PDCD6: variants seen among roughly 807,000 people sequenced by gnomAD.
PDCD6 encodes the protein programmed cell death 6.
In PDCD6, 12 loss-of-function variants were observed where a neutral mutation model predicts 28.3. That is an observed-to-expected ratio of 0.42 (90% CI 0.27 to 0.69). PDCD6 has a LOEUF of 0.69. Among genes scored for constraint, PDCD6 ranks in the 30% least tolerant of loss-of-function variants. PDCD6 has a pLI of 0.22. For missense variants in PDCD6, 226 were observed against 269.9 expected, an observed-to-expected ratio of 0.84 and a Z score of 1.14; for synonymous variants, 92 against 108.0, an observed-to-expected ratio of 0.85 and a Z score of 0.92.
At chr5:311,091 T>G (rs886667773) in intron 4 of PDCD6, 4 of 545,174 alleles carry the variant, frequency 7.3e-6, no homozygotes, top group African/African-American at 3.8e-5. Context: ...CTCCATGCAC[T>G]GGGGATGTCA....
rs561703436 is a variant in PDCD6, at chr5:306,411, C to T, written c.209-191C>T. On this transcript the variant is annotated intron_variant, in intron 3 of 5. Coordinates refer to ENST00000264933, the MANE Select transcript of PDCD6 (RefSeq NM_013232.4). ...GCTGGGGGACAATCCCCCACACCCCCACCCAGGGCGAAGGTGACAAGACTT... is the reference window on the plus strand; with the variant it reads ...GCTGGGGGACAATCCCCCACACCCCTACCCAGGGCGAAGGTGACAAGACTT... 1.3e-5 allele frequency: 8 copies of T among 593,732 alleles called. 1 individual carries two copies. The South Asian group carries it at 1.5e-4, about 11-fold the overall frequency. 36.8% of individuals were successfully genotyped at this position (593,732 alleles called of 1,614,324 possible).
chr5:290,103 A>T lies in PDCD6; in HGVS notation c.164-14074A>T, dbSNP rs575183219. 91 of 1,573,860 alleles carry T rather than the reference A, an allele frequency of 5.8e-5. No homozygotes were observed. In the African/African-American group the frequency reaches 9.5e-4, roughly 16 times the overall value. On this transcript the variant is annotated intron_variant, in intron 2 of 5. Coordinates refer to ENST00000264933, the MANE Select transcript of PDCD6 (RefSeq NM_013232.4). ...TTTCATCAAAGGGAATATATTCGACATTAGGGTTGGGAGGACCTCTTGGCT... is the reference window on the plus strand; with the variant it reads ...TTTCATCAAAGGGAATATATTCGACTTTAGGGTTGGGAGGACCTCTTGGCT...
intron 2 of PDCD6, among the ~76,000 whole-genome samples, chr5:278,089 A>G (rs868412805): frequency 1.1e-4 from 17 of 151,684 alleles, no homozygotes; most frequent in South Asian, 6.3e-4. Flanking sequence ...TCCCTTCCCC[A>G]CCTTTGTCCT....
chr5:294,053 C>T (rs564928809), intron 2 of PDCD6, among the ~76,000 whole-genome samples: 1 of 149,178 alleles, frequency 6.7e-6, no homozygotes, highest in South Asian at 2.1e-4. Context: ...AAATGTTACT[C>T]AACATTTATC....
At chr5:299,551 G>GTT (rs35811389) in intron 2 of PDCD6, among the ~76,000 whole-genome samples, 1,675 of 140,950 alleles carry the variant, frequency 0.012, 23 homozygotes, top group African/African-American at 0.045. Flanking sequence ...TCTTTTGAAG[G>GTT]TTTTTTTTTT....
At chr5:280,368 C>T (rs1419297942) in intron 2 of PDCD6, among the ~76,000 whole-genome samples, 19 of 151,658 alleles carry the variant, frequency 1.3e-4, no homozygotes, top group African/African-American at 3.9e-4. Context: ...GCACTGTGGG[C>T]TGTGGATGGT....
At position 298,672 on chromosome 5, in the gene PDCD6, T is replaced by TCAGCTGCTCCCCC. The variant is rs1270044597; in HGVS notation, c.164-5494_164-5493insCCCAGCTGCTCCC. 5.8e-4 allele frequency among the ~76,000 whole-genome samples: 16 copies of TCAGCTGCTCCCCC among 27,632 alleles called. 1 individual carries two copies. Among genetic ancestry groups the TCAGCTGCTCCCCC allele is most frequent in the African/African-American group, 2.9e-3 (15 of 5,184 alleles). 18.1% of individuals were successfully genotyped at this position (27,632 alleles called of 152,430 possible). On this transcript the variant is annotated intron_variant, in intron 2 of 5. Coordinates refer to ENST00000264933, the MANE Select transcript of PDCD6 (RefSeq NM_013232.4). ...GCTGCTCCCACTCAGCTGCTCCCAC[T>TCAGCTGCTCCCCC]CAGCTGCTCCCACTCAGCTGCTCCC... is the stretch of plus-strand genomic sequence containing the variant.
At chr5:272,187 C>T (rs990842535) in intron 1 of PDCD6, among the ~76,000 whole-genome samples, 4 of 149,046 alleles carry the variant, frequency 2.7e-5, no homozygotes, top group African/African-American at 7.6e-5. Flanking sequence ...CCCTTTTTCT[C>T]GCCTCAAGAG....
At chr5:286,606 C>T (rs1738986894) in intron 2 of PDCD6, among the ~76,000 whole-genome samples, 1 of 151,530 alleles carries the variant, frequency 6.6e-6, no homozygotes, top group South Asian at 2.1e-4. Context: ...ACTGGAGAGC[C>T]TGCGGGGATC....
rs560604906 is a variant in PDCD6, at chr5:288,028, C to T, written c.163+15256C>T. Among the ~76,000 whole-genome samples, 11 of 152,188 alleles carry T rather than the reference C, an allele frequency of 7.2e-5. 1 individual carries two copies. In the Middle Eastern group the frequency reaches 0.01, roughly 141 times the overall value. ...AATATTTTCTCATAAATAATGAAGT[C>T]TGTTTCTCAGGCACCTCAGAAGTAT... On this transcript the variant is annotated intron_variant, in intron 2 of 5. Coordinates refer to ENST00000264933, the MANE Select transcript of PDCD6 (RefSeq NM_013232.4).
intron 2 of PDCD6, among the ~76,000 whole-genome samples, chr5:301,331 G>A (rs1224943280): frequency 1.3e-5 from 2 of 152,212 alleles, no homozygotes; most frequent in Admixed American, 6.5e-5. Flanking sequence ...ACACAGCGGT[G>A]AAGAACGGGG....
intron 5 of PDCD6, among the ~76,000 whole-genome samples, chr5:314,100 G>A (rs769386544): frequency 1.3e-5 from 2 of 152,224 alleles, no homozygotes; most frequent in South Asian, 2.1e-4. Flanking sequence ...TCCACGGGAC[G>A]GTCTTCAGGG....
intron 2 of PDCD6, among the ~76,000 whole-genome samples, chr5:282,019 G>T (rs1738604180): frequency 1.3e-5 from 2 of 151,244 alleles, no homozygotes; most frequent in Admixed American, 1.3e-4. Flanking sequence ...TAGTTTGAGG[G>T]CCCTGCAGCT....
At chr5:272,690 T>C in intron 1 of PDCD6, 21 bp from the exon 2 acceptor site, 1 of 1,559,610 alleles carries the variant, frequency 6.4e-7, no homozygotes, top group Non-Finnish European at 8.7e-7. Context: ...GCCAGCTTAT[T>C]TGGTCTTCTT....
intron 2 of PDCD6, among the ~76,000 whole-genome samples, 184 bp from the exon 3 acceptor site, chr5:303,993 C>T (rs563521575): frequency 2.2e-3 from 338 of 151,182 alleles, no homozygotes; most frequent in Admixed American, 4.4e-3. Flanking sequence ...GGTGTGAACC[C>T]ACCAGGCAGT....
intron 2 of PDCD6, among the ~76,000 whole-genome samples, chr5:275,251 T>C (rs1362339761): frequency 7.2e-5 from 11 of 152,196 alleles, no homozygotes; most frequent in African/African-American, 2.4e-4. Context: ...TGAGACCCTG[T>C]TGCCTGAATT....
intron 2 of PDCD6, among the ~76,000 whole-genome samples, chr5:278,694 C>T (rs556194754): frequency 1.3e-5 from 2 of 148,498 alleles, no homozygotes; most frequent in Non-Finnish European, 3.0e-5. Flanking sequence ...GCCTGGGTGA[C>T]AGAGCCAGAC....
chr5:283,112 T>C (rs1035614728), intron 2 of PDCD6, among the ~76,000 whole-genome samples: 2 of 147,928 alleles, frequency 1.4e-5, no homozygotes, highest in Non-Finnish European at 3.0e-5. Flanking sequence ...GAGGATCTCG[T>C]AGCTGCAGAA....
At position 306,743 on chromosome 5, in the gene PDCD6, A is replaced by C. The variant is rs755147828; in HGVS notation, c.350A>C (p.Gln117Pro). 1 of 1,613,842 alleles carries C rather than the reference A, an allele frequency of 6.2e-7. No individual in the cohort carries two copies. Among genetic ancestry groups the C allele is most frequent in the Non-Finnish European group, 8.5e-7 (1 of 1,179,926 alleles). The change falls in exon 4 of 6, where the codon CAG becomes CCG. Residue 117 changes from glutamine (Q) to proline (P), a missense_variant. By Grantham distance (76) the Gln-to-Pro change is moderately conservative. Around this residue, in one of 3 missense-constraint regions of PDCD6, gnomAD observed 151 missense variants for 177.2 expected, o/e 0.85. Transcript: ENST00000264933. The part of the protein sequence containing the change: ...SGMIDKNELK[Q>P]ALSGFGYRLS... ...ATGATCGATAAGAACGAGCTGAAGCAGGCCCTCTCAGGTTTCGGTAACTCA... is the reference window on the plus strand; with the variant it reads ...ATGATCGATAAGAACGAGCTGAAGCCGGCCCTCTCAGGTTTCGGTAACTCA...
Sources: allele counts gnomAD v4.1 joint callset (sites outside exome capture counted in the v4.1 genomes callset), GRCh38; gene constraint gnomAD v4.1.1; regional missense constraint gnomAD v4.1.1; transcripts MANE v1.5; gene names NCBI Gene and HGNC (gene_info 2026-07-23, HGNC 2026-07-21).